The following DAB2 variants were observed in gnomAD, a reference collection of about 807,000 sequenced individuals.
The protein encoded by DAB2 is DAB adaptor protein 2.
A neutral mutation model predicts 71.6 loss-of-function variants in DAB2; 28 were observed. That is an observed-to-expected ratio of 0.39 (90% confidence interval 0.29 to 0.54). DAB2 has a LOEUF of 0.54. Among genes scored for constraint, DAB2 ranks in the 20% least tolerant of loss-of-function variants. The pLI, the probability that DAB2 is intolerant of heterozygous loss-of-function variation, is 0.68. For synonymous variants in DAB2, 345 were observed against 339.7 expected, an observed-to-expected ratio of 1.02 and a Z score of -0.17; for missense variants, 867 against 928.8, an observed-to-expected ratio of 0.93 and a Z score of 0.86.
intron 12 of DAB2, 67 bp from the exon 13 acceptor site, chr5:39,376,173 C>T: frequency 1.6e-6 from 2 of 1,270,302 alleles, no homozygotes; most frequent in Non-Finnish European, 2.3e-6. Context: ...GTCCCCGAGT[C>T]AGCTTATTTT....
At chr5:39,417,027 T>C (rs191674821) in intron 1 of DAB2, among the ~76,000 whole-genome samples, 167 of 152,232 alleles carry the variant, frequency 1.1e-3, no homozygotes, top group Non-Finnish European at 1.7e-3. Context: ...CCAATCAGCA[T>C]TTGGTTTTCC....
chr5:39,393,377 A>G lies in DAB2; in HGVS notation c.108T>C (p.Asp36=). Residue 36 remains aspartate (D), a synonymous_variant, in exon 3 of 15, where the codon GAT becomes GAC. Transcript: ENST00000320816. The part of the protein sequence containing the change: ...KEKKKGPEKT[D]EYLLARFKGD... Reference sequence around the variant, plus strand: ...CTTTGAACCTTGCTAAGAGATATTCATCTGTCTTTTCAGGGCCTGAGAAAA... The same window carrying G: ...CTTTGAACCTTGCTAAGAGATATTCGTCTGTCTTTTCAGGGCCTGAGAAAA... 6.2e-7 allele frequency: 1 copy of G among 1,613,930 alleles called. No individual in the cohort carries two copies. The highest frequency in any genetic ancestry group is 1.7e-5 in the Admixed American group (1 of 59,984).
chr5:39,397,888 A>G (rs1236020865), intron 1 of DAB2, among the ~76,000 whole-genome samples: 2 of 152,192 alleles, frequency 1.3e-5, no homozygotes, highest in African/African-American at 4.8e-5. Flanking sequence ...AAAACAGAAT[A>G]CATTCTATTT....
At chr5:39,416,447 A>G (rs989854660) in intron 1 of DAB2, among the ~76,000 whole-genome samples, 33 of 152,072 alleles carry the variant, frequency 2.2e-4, no homozygotes, top group African/African-American at 8.0e-4. Flanking sequence ...ATCGGTGTTC[A>G]ATTCCTCCAT....
chr5:39,380,449 G>C (rs1259900083), intron 11 of DAB2, among the ~76,000 whole-genome samples: 1 of 152,192 alleles, frequency 6.6e-6, no homozygotes, highest in Admixed American at 6.5e-5. Flanking sequence ...TCCCTGGTCA[G>C]ATTTTACCGA....
At position 39,372,053 on chromosome 5, in the gene DAB2, A is replaced by G. The variant is rs1754712358; in HGVS notation, c.*1378T>C. On this transcript the variant is annotated 3_prime_UTR_variant, in exon 15 of 15. Transcript: ENST00000320816. ...TTCTTCCCCCTCAAGGTAACATTGG[A>G]TGTGGCTGATTAACTCCCACAAGAA... 1 of 152,154 alleles carries G rather than the reference A, an allele frequency of 6.6e-6. No individual in the cohort carries two copies. Among genetic ancestry groups the G allele is most frequent in the South Asian group, 2.1e-4 (1 of 4,830 alleles). 9.4% of individuals were successfully genotyped at this position (152,154 alleles called of 1,614,324 possible).
At chr5:39,401,497 TTG>T (rs1372382958) in intron 1 of DAB2, among the ~76,000 whole-genome samples, 4 of 152,194 alleles carry the variant, frequency 2.6e-5, no homozygotes, top group African/African-American at 9.6e-5. Flanking sequence ...TAGCTCAGGC[TTG>T]TGAGTCCCAC....
In DAB2 at chr5:39,377,055, A is replaced by G. The variant is rs767265551; in HGVS notation, c.1732T>C (p.Ser578Pro). 6.2e-6 allele frequency: 10 copies of G among 1,614,026 alleles called. No individual in the cohort carries two copies. Among genetic ancestry groups the G allele is most frequent in the Non-Finnish European group, 8.5e-7 (1 of 1,180,026 alleles). Residue 578 changes from serine (S) to proline (P), a missense_variant, in exon 12 of 15, where the codon TCT becomes CCT. Physicochemically the swap from Ser to Pro is moderately conservative, Grantham distance 74. This residue lies in a region of DAB2 where 740 missense variants were observed against 734.3 expected (regional missense o/e 1.01). Coordinates refer to ENST00000320816, the MANE Select transcript of DAB2 (RefSeq NM_001343.4). ...PVPVVWGPSA[S>P]VAPNAWSTTS... ...GTTGACCAAGCATTGGGTGCCACAGATGCAGAAGGGCCCCAGACAACAGGC... is the reference window on the plus strand; with the variant it reads ...GTTGACCAAGCATTGGGTGCCACAGGTGCAGAAGGGCCCCAGACAACAGGC...
At chr5:39,412,131 A>T (rs944881694) in intron 1 of DAB2, among the ~76,000 whole-genome samples, 8 of 152,142 alleles carry the variant, frequency 5.3e-5, no homozygotes, top group African/African-American at 1.9e-4. Flanking sequence ...AAGGGGGAAA[A>T]AAACAAATGT....
chr5:39,390,567 C>T lies in DAB2; in HGVS notation c.339G>A (p.Glu113=), dbSNP rs769384052. 2 of 1,608,802 alleles carry T rather than the reference C, an allele frequency of 1.2e-6. No individual in the cohort carries two copies. Among genetic ancestry groups the T allele is most frequent in the South Asian group, 2.2e-5 (2 of 90,246 alleles). ...KIIDEKTGVI[E]HEHPVNKISF... Reference sequence around the variant, plus strand: ...AAATCTTATTTACTGGATGTTCATGCTCTATTACCTTAAAAAAGAACATAA... The same window carrying T: ...AAATCTTATTTACTGGATGTTCATGTTCTATTACCTTAAAAAAGAACATAA... Residue 113 remains glutamate, a synonymous_variant, in exon 5 of 15, where the codon GAG becomes GAA. Coordinates refer to ENST00000320816, the MANE Select transcript of DAB2 (RefSeq NM_001343.4).
At chr5:39,404,828 C>T (rs993966645) in intron 1 of DAB2, among the ~76,000 whole-genome samples, 2 of 152,208 alleles carry the variant, frequency 1.3e-5, no homozygotes, top group African/African-American at 4.8e-5. Context: ...ATCCACCCGC[C>T]TCGGCCTCCC....
chr5:39,384,194 C>A (rs769431079), intron 9 of DAB2, among the ~76,000 whole-genome samples: 8 of 152,208 alleles, frequency 5.3e-5, no homozygotes, highest in African/African-American at 7.2e-5. Flanking sequence ...ACAGTAGTCC[C>A]TCCTTATCCT....
At chr5:39,388,743 G>T in intron 8 of DAB2, 56 bp downstream of exon 8, 1 of 1,411,146 alleles carries the variant, frequency 7.1e-7, no homozygotes, top group Non-Finnish European at 1.0e-6. Flanking sequence ...TCTACAGGAA[G>T]TAGAACCCAT....
chr5:39,393,466 A>G (rs1755283781), intron 2 of DAB2, 73 bp from the exon 3 acceptor site: 1 of 1,434,290 alleles, frequency 7.0e-7, no homozygotes, highest in East Asian at 2.3e-5. Context: ...AGACTCTCCA[A>G]AATTTAAGTA....
chr5:39,378,235 G>A (rs1277404484), intron 11 of DAB2, among the ~76,000 whole-genome samples: 3 of 152,208 alleles, frequency 2.0e-5, no homozygotes, highest in African/African-American at 4.8e-5. Flanking sequence ...TGATTCTTGA[G>A]AGGCTCGCTC....
At position 39,407,948 on chromosome 5, in the gene DAB2, G is replaced by A. The variant is rs945388040; in HGVS notation, c.-101-13527C>T. ...GGTAATCTTAAACTTCTCCTCTTCC[G>A]AAAACCAGTGCAAGAAATACTGCCT... On this transcript the variant is annotated intron_variant, in intron 1 of 14. Coordinates refer to ENST00000320816, the MANE Select transcript of DAB2 (RefSeq NM_001343.4). Among the ~76,000 whole-genome samples, 17 of 152,234 alleles carry A rather than the reference G, an allele frequency of 1.1e-4. No homozygotes were observed. The East Asian group carries it at 1.4e-3, about 12-fold the overall frequency.
intron 1 of DAB2, among the ~76,000 whole-genome samples, chr5:39,405,485 C>T (rs1187063668): frequency 6.6e-6 from 1 of 152,234 alleles, no homozygotes; most frequent in Non-Finnish European, 1.5e-5. Context: ...CATTGCCTTA[C>T]ATTGCTGGCA....
chr5:39,410,949 C>A (rs1478461768), intron 1 of DAB2, among the ~76,000 whole-genome samples: 1 of 152,002 alleles, frequency 6.6e-6, no homozygotes, highest in Non-Finnish European at 1.5e-5. Flanking sequence ...ATTAATGGTC[C>A]AGGTTTGACT....
chr5:39,412,780 G>A (rs980056018), intron 1 of DAB2, among the ~76,000 whole-genome samples: 1 of 152,134 alleles, frequency 6.6e-6, no homozygotes, highest in African/African-American at 2.4e-5. Flanking sequence ...CTGAAGCACA[G>A]GAGTGAAGCA....
Sources: gnomAD v4.1 joint callset for allele counts (sites outside exome capture counted in the v4.1 genomes callset) on GRCh38, gnomAD v4.1.1 for gene constraint, gnomAD v4.1.1 regional missense constraint, MANE v1.5 for transcripts, NCBI Gene and HGNC (gene_info 2026-07-23, HGNC 2026-07-21) for gene names.